FOCAD: variants seen among roughly 807,000 people sequenced by gnomAD.
FOCAD encodes focadhesin, also known as KIAA1797.
FOCAD carries 198 observed loss-of-function variants against 225.6 expected under a neutral mutation model. That is an observed-to-expected ratio of 0.88 (90% confidence interval 0.78 to 0.99). The LOEUF (loss-of-function observed/expected upper bound fraction) is 0.99, where lower values mean the gene tolerates loss of function less well. Ranked by LOEUF, FOCAD falls within the 50% of genes least tolerant of loss-of-function variation. The pLI is 0.00. For synonymous variants in FOCAD, 897 were observed against 755.0 expected, an observed-to-expected ratio of 1.19 and a Z score of -3.08; for missense variants, 2,713 against 2,123.6, an observed-to-expected ratio of 1.28 and a Z score of -5.46.
intron 10 of FOCAD, among the ~76,000 whole-genome samples, chr9:20,782,783 A>G (rs1819509298): frequency 6.6e-6 from 1 of 152,196 alleles, no homozygotes; most frequent in Non-Finnish European, 1.5e-5. Context: ...AAGCAGAGAT[A>G]CCTCTTATGT....
intron 22 of FOCAD, 48 bp downstream of exon 22, chr9:20,907,290 C>G: frequency 6.9e-7 from 1 of 1,458,290 alleles, no homozygotes; most frequent in Non-Finnish European, 9.6e-7. Flanking sequence ...GTCTCCTTAT[C>G]TCATGTTTTG....
At chr9:20,690,814 G>C (rs1217774269) in intron 1 of FOCAD, among the ~76,000 whole-genome samples, 4 of 152,018 alleles carry the variant, frequency 2.6e-5, no homozygotes, top group Non-Finnish European at 4.4e-5. Flanking sequence ...CAGAGTGCTG[G>C]GATTATAGGC....
chr9:20,688,506 T>C (rs1822792807), intron 1 of FOCAD, among the ~76,000 whole-genome samples: 1 of 152,168 alleles, frequency 6.6e-6, no homozygotes, highest in South Asian at 2.1e-4. Context: ...CAGTGGGTAT[T>C]TGGCTGCTTT....
chr9:20,877,255 G>A (rs544601791), intron 19 of FOCAD, among the ~76,000 whole-genome samples: 3 of 152,176 alleles, frequency 2.0e-5, no homozygotes, highest in South Asian at 2.1e-4. Flanking sequence ...ACCAAATCCC[G>A]AATAGCATAA....
chr9:20,794,853 A>C (rs1246122022), intron 11 of FOCAD, among the ~76,000 whole-genome samples: 2 of 152,186 alleles, frequency 1.3e-5, no homozygotes, highest in African/African-American at 4.8e-5. Context: ...TTTTGTGAGT[A>C]ATGGCAATAA....
chr9:20,880,205 C>T (rs556470683), intron 19 of FOCAD, among the ~76,000 whole-genome samples: 2 of 152,180 alleles, frequency 1.3e-5, no homozygotes, highest in Admixed American at 1.3e-4. Flanking sequence ...AATAAAGAAC[C>T]TATTTACAGT....
intron 11 of FOCAD, among the ~76,000 whole-genome samples, chr9:20,794,154 G>C: frequency 6.6e-6 from 1 of 152,160 alleles, no homozygotes; most frequent in Admixed American, 6.5e-5. Flanking sequence ...CCAGACTTAA[G>C]AGAAAATTTA....
chr9:20,667,071 T>A (rs1395901123), intron 2 of FOCAD, among the ~76,000 whole-genome samples: 1 of 152,226 alleles, frequency 6.6e-6, no homozygotes, highest in Non-Finnish European at 1.5e-5. Context: ...TTTCACAGTT[T>A]CCTCCATTGT....
At chr9:20,776,112 A>C (rs1818730105) in intron 8 of FOCAD, among the ~76,000 whole-genome samples, 1 of 152,306 alleles carries the variant, frequency 6.6e-6, no homozygotes, top group South Asian at 2.1e-4. Flanking sequence ...GGCATCATCA[A>C]GTAGGCTACT....
chr9:20,786,940 A>G (rs1819981296), intron 10 of FOCAD: 4 of 440,300 alleles, frequency 9.1e-6, no homozygotes, highest in African/African-American at 6.2e-5. Flanking sequence ...GCATTTTCAC[A>G]GGTCCTCCCT....
At chr9:20,815,137 G>GTTTTTTTTTTTTTTT (rs71334555) in intron 11 of FOCAD, among the ~76,000 whole-genome samples, 27 of 69,150 alleles carry the variant, frequency 3.9e-4, no homozygotes, top group African/African-American at 1.4e-3. Flanking sequence ...TTTTTTTTTT[G>GTTTTTTTTTTTTTTT]TTTTTTTTTT....
At chr9:20,956,527 A>G (rs1838149472) in intron 35 of FOCAD, among the ~76,000 whole-genome samples, 1 of 152,148 alleles carries the variant, frequency 6.6e-6, no homozygotes, top group African/African-American at 2.4e-5. Flanking sequence ...TTGTACCATA[A>G]AATGTATATT....
At chr9:20,754,922 T>C (rs1288417501) in intron 5 of FOCAD, among the ~76,000 whole-genome samples, 1 of 152,220 alleles carries the variant, frequency 6.6e-6, no homozygotes, top group Non-Finnish European at 1.5e-5. Flanking sequence ...TAAGGCTTTA[T>C]GGATTATTTT....
At chr9:20,859,806 C>A (rs368851572) in intron 15 of FOCAD, among the ~76,000 whole-genome samples, 1 of 150,468 alleles carries the variant, frequency 6.6e-6, no homozygotes, top group Non-Finnish European at 1.5e-5. Flanking sequence ...AAGCTAGACA[C>A]CAAAGAGCAC....
chr9:20,891,045 A>G (rs1831570468), intron 21 of FOCAD, among the ~76,000 whole-genome samples: 1 of 152,166 alleles, frequency 6.6e-6, no homozygotes, highest in African/African-American at 2.4e-5. Context: ...TTTTGCTAAC[A>G]AAATGTGAAA....
chr9:20,761,804 G>C (rs1829627249), intron 6 of FOCAD, among the ~76,000 whole-genome samples: 1 of 152,042 alleles, frequency 6.6e-6, no homozygotes, highest in African/African-American at 2.4e-5. Context: ...TAAAAGACTT[G>C]TGTGTAGGTA....
At chr9:20,923,872 C>A in intron 25 of FOCAD, 104 bp downstream of exon 25, 1 of 830,022 alleles carries the variant, frequency 1.2e-6, no homozygotes, top group African/African-American at 1.7e-5. Context: ...GTGATTATGG[C>A]ACCAAGTTAT....
upstream of FOCAD, among the ~76,000 whole-genome samples, chr9:20,681,450 G>C (rs898605148): frequency 6.6e-6 from 1 of 152,070 alleles, no homozygotes; most frequent in African/African-American, 2.4e-5. Flanking sequence ...ATAATCTCAG[G>C]AAAAGGACAG....
In FOCAD at chr9:20,778,678, T is replaced by C. The variant is rs775846732; in HGVS notation, c.907-3T>C. The C allele has an allele frequency of 6.3e-7, 1 of 1,590,968 alleles. No individual in the cohort carries two copies. On this transcript the variant is annotated splice_polypyrimidine_tract_variant and splice_region_variant and intron_variant, in intron 8 of 43. Transcript: ENST00000338382. Reference sequence around the variant, plus strand: ...ACTCCTTTTTCCCCCTCTATTCTTTTAGGATTTTCCTGTTGAACTGGTCAT... The same window carrying C: ...ACTCCTTTTTCCCCCTCTATTCTTTCAGGATTTTCCTGTTGAACTGGTCAT...
Sources: gnomAD v4.1 joint callset for allele counts (sites outside exome capture counted in the v4.1 genomes callset) on GRCh38, gnomAD v4.1.1 for gene constraint, MANE v1.5 for transcripts, NCBI Gene and HGNC (gene_info 2026-07-23, HGNC 2026-07-21) for gene names.